Variants in CSMD1 observed in about 807,000 individuals in gnomAD.
CSMD1 encodes CUB and Sushi multiple domains 1.
In CSMD1, 213 loss-of-function variants were observed where a neutral mutation model predicts 417.5. The ratio of observed to expected loss-of-function variants is 0.51; its 90% CI spans 0.46 to 0.57. CSMD1 has a LOEUF of 0.57. Among genes scored for constraint, CSMD1 ranks in the 20% least tolerant of loss-of-function variants. The probability of loss-of-function intolerance (pLI) is 0.00; values close to 1 mark genes in which losing one functional copy is unlikely to be tolerated. For synonymous variants in CSMD1, 2,862 were observed against 1,736.8 expected (o/e 1.65, Z -16.11); for missense variants, 6,923 against 4,529.7 (o/e 1.53, Z -15.17).
intron 3 of CSMD1, among the ~76,000 whole-genome samples, chr8:4,175,860 G>C (rs967523321): frequency 6.6e-6 from 1 of 152,252 alleles, no homozygotes; most frequent in African/African-American, 2.4e-5. Context: ...TAACCAAAAT[G>C]TTACCAAGCG....
intron 52 of CSMD1, among the ~76,000 whole-genome samples, chr8:3,005,101 T>C (rs568585026): frequency 1.3e-5 from 2 of 152,254 alleles, no homozygotes; most frequent in East Asian, 3.9e-4. Context: ...ATTGCACCAC[T>C]GCACTCCAGC....
At chr8:3,774,503 T>C (rs569950848) in intron 5 of CSMD1, among the ~76,000 whole-genome samples, 22 of 152,162 alleles carry the variant, frequency 1.4e-4, no homozygotes, top group Non-Finnish European at 2.1e-4. Flanking sequence ...AATAAATAAA[T>C]AGAAAGATGC....
At chr8:4,679,242 G>C (rs982120387) in intron 1 of CSMD1, among the ~76,000 whole-genome samples, 26 of 152,260 alleles carry the variant, frequency 1.7e-4, no homozygotes, top group South Asian at 8.3e-4. Flanking sequence ...TTGCTTTCCT[G>C]AGTCCAGCTG....
intron 28 of CSMD1, among the ~76,000 whole-genome samples, chr8:3,221,270 T>C (rs915795932): frequency 6.6e-6 from 1 of 152,160 alleles, no homozygotes; most frequent in Non-Finnish European, 1.5e-5. Flanking sequence ...AAAGGAAATT[T>C]AGGAAGGTGT....
chr8:4,489,632 T>C (rs998456545), intron 2 of CSMD1, among the ~76,000 whole-genome samples: 1 of 152,166 alleles, frequency 6.6e-6, no homozygotes, highest in Non-Finnish European at 1.5e-5. Flanking sequence ...GACTTGCTTC[T>C]GGTCAACAAG....
chr8:3,246,969 A>C (rs960681334), intron 26 of CSMD1, among the ~76,000 whole-genome samples: 1 of 152,204 alleles, frequency 6.6e-6, no homozygotes. Context: ...GAACTTTTGT[A>C]AGTGAATTAT....
chr8:4,793,218 C>T (rs1374186384), intron 1 of CSMD1, among the ~76,000 whole-genome samples: 2 of 152,084 alleles, frequency 1.3e-5, no homozygotes, highest in Non-Finnish European at 2.9e-5. Context: ...CAGCACAAGA[C>T]ATGATCATGA....
At chr8:3,957,440 G>C (rs537673782) in intron 5 of CSMD1, among the ~76,000 whole-genome samples, 2 of 152,290 alleles carry the variant, frequency 1.3e-5, no homozygotes, top group African/African-American at 4.8e-5. Flanking sequence ...CACTTTGGGA[G>C]GCCAAAGCAG....
intron 1 of CSMD1, among the ~76,000 whole-genome samples, chr8:4,761,460 C>T (rs566573023): frequency 1.3e-5 from 2 of 151,892 alleles, no homozygotes; most frequent in South Asian, 2.1e-4. Flanking sequence ...TACCTGTTTC[C>T]TTTATAATTT....
At chr8:3,915,589 G>A (rs1277908174) in intron 5 of CSMD1, among the ~76,000 whole-genome samples, 1 of 151,026 alleles carries the variant, frequency 6.6e-6, no homozygotes, top group Non-Finnish European at 1.5e-5. Context: ...GACATTTAAT[G>A]GGATTATTAC....
At chr8:3,696,295 C>A (rs1364354627) in intron 7 of CSMD1, among the ~76,000 whole-genome samples, 1 of 152,184 alleles carries the variant, frequency 6.6e-6, no homozygotes, top group Non-Finnish European at 1.5e-5. Flanking sequence ...GCAGTGCATG[C>A]AAAATATGGT....
intron 3 of CSMD1, among the ~76,000 whole-genome samples, chr8:4,213,208 A>G (rs1354071726): frequency 1.3e-5 from 2 of 152,154 alleles, no homozygotes; most frequent in Non-Finnish European, 2.9e-5. Context: ...TATTTCACTA[A>G]TGGGTACTTG....
chr8:3,279,535 G>C (rs1408744594), intron 26 of CSMD1, among the ~76,000 whole-genome samples: 1 of 152,112 alleles, frequency 6.6e-6, no homozygotes, highest in Admixed American at 6.6e-5. Flanking sequence ...AATCCCAGTG[G>C]GATAATTTGA....
At chr8:3,599,145 GTGTGTC>G (rs1172438831) in intron 8 of CSMD1, among the ~76,000 whole-genome samples, 2 of 138,092 alleles carry the variant, frequency 1.4e-5, no homozygotes, top group African/African-American at 3.1e-5. Flanking sequence ...GTGTGTGTGT[GTGTGTC>G]TGTGTGTGTG....
chr8:3,067,467 C>T (rs1813011451), intron 49 of CSMD1, among the ~76,000 whole-genome samples: 1 of 151,964 alleles, frequency 6.6e-6, no homozygotes, highest in Admixed American at 6.6e-5. Context: ...GAAGCAGAAA[C>T]ATTGAATGAT....
chr8:4,397,059 C>T (rs1804282844), intron 3 of CSMD1, among the ~76,000 whole-genome samples: 1 of 151,932 alleles, frequency 6.6e-6, no homozygotes, highest in African/African-American at 2.4e-5. Context: ...AATTATTACC[C>T]TTCTCAAATT....
At chr8:4,479,591 G>C (rs944235707) in intron 2 of CSMD1, among the ~76,000 whole-genome samples, 5 of 151,986 alleles carry the variant, frequency 3.3e-5, no homozygotes, top group Non-Finnish European at 7.4e-5. Flanking sequence ...AATTTTAGTT[G>C]ACTGCTTTAA....
At chr8:4,519,268 T>C (rs1803297080) in intron 2 of CSMD1, among the ~76,000 whole-genome samples, 1 of 152,084 alleles carries the variant, frequency 6.6e-6, no homozygotes, top group African/African-American at 2.4e-5. Flanking sequence ...GCAAATTATA[T>C]GGAATCTATA....
At chr8:4,716,770 G>T (rs909053283) in intron 1 of CSMD1, among the ~76,000 whole-genome samples, 5 of 152,216 alleles carry the variant, frequency 3.3e-5, no homozygotes, top group African/African-American at 1.2e-4. Context: ...AAACAAGTGT[G>T]GCAGGAAAGA....
Sources: gnomAD v4.1 joint callset for allele counts (sites outside exome capture counted in the v4.1 genomes callset) on GRCh38, gnomAD v4.1.1 for gene constraint, MANE v1.5 for transcripts, NCBI Gene and HGNC (gene_info 2026-07-23, HGNC 2026-07-21) for gene names.